TEX26: variants seen among roughly 807,000 people sequenced by gnomAD.
The protein encoded by TEX26 is testis-expressed protein 26.
Under a neutral mutation model 35.3 loss-of-function variants are expected in TEX26, and 34 were observed. The observed-to-expected ratio is 0.96, with a 90% CI of 0.73 to 1.28. TEX26 has a LOEUF of 1.28. TEX26 is among the 50% of genes most tolerant of loss of function. The pLI is 0.00. For synonymous variants in TEX26, 136 were observed against 111.8 expected, an observed-to-expected ratio of 1.22 and a Z score of -1.36; for missense variants, 371 against 330.1, an observed-to-expected ratio of 1.12 and a Z score of -0.96.
chr13:30,969,180 ACTC>A, intron 6 of TEX26, 134 bp downstream of exon 6: 3 of 836,310 alleles, frequency 3.6e-6, no homozygotes, highest in Non-Finnish European at 5.3e-6. Context: ...AAAAAAAAAA[ACTC>A]ATAGTGTTGT....
chr13:30,968,977 T>A lies in TEX26; in HGVS notation c.739T>A (p.Phe247Ile), dbSNP rs1446164162. The A allele has an allele frequency of 3.1e-6, 5 of 1,614,062 alleles. No individual in the cohort carries two copies. The highest frequency in any genetic ancestry group is 3.4e-6 in the Non-Finnish European group (4 of 1,179,992). Residue 247 changes from phenylalanine to isoleucine, a missense_variant, in exon 6 of 7, where the codon TTC (phenylalanine) becomes ATC (isoleucine). Physicochemically the swap from Phe to Ile is conservative, Grantham distance 21. Transcript: ENST00000380473. ...TGACTACGACAAAACCTACCCAGATTTCTTAATGCTTTTAAACTCATTTAC... is the reference window on the plus strand; with the variant it reads ...TGACTACGACAAAACCTACCCAGATATCTTAATGCTTTTAAACTCATTTAC... Reference protein sequence around the residue: ...QSDYDKTYPDFLMLLNSFTSS... With the variant: ...QSDYDKTYPDILMLLNSFTSS...
intron 4 of TEX26, among the ~76,000 whole-genome samples, chr13:30,962,798 T>A (rs1311453808): frequency 6.6e-6 from 1 of 150,770 alleles, no homozygotes; most frequent in African/African-American, 2.4e-5. Context: ...GTGTCAATGG[T>A]CCTAATGGGT....
chr13:30,954,969 A>G (rs1954072706), intron 3 of TEX26, among the ~76,000 whole-genome samples: 1 of 152,172 alleles, frequency 6.6e-6, no homozygotes, highest in South Asian at 2.1e-4. Flanking sequence ...GCCAGATGGC[A>G]GCTCCTATTA....
chr13:30,958,343 T>A (rs1424508697), intron 4 of TEX26, among the ~76,000 whole-genome samples: 1 of 152,244 alleles, frequency 6.6e-6, no homozygotes, highest in Non-Finnish European at 1.5e-5. Flanking sequence ...TTGATTATAT[T>A]TTTAGACGCA....
intron 3 of TEX26, among the ~76,000 whole-genome samples, chr13:30,953,897 A>G (rs17075209): frequency 0.26 from 40,096 of 152,118 alleles, 5,549 homozygotes; most frequent in East Asian, 0.44. Flanking sequence ...TAGATGATAA[A>G]GTGGTAGAAT....
At chr13:30,968,849 G>A (rs1954623895) in intron 5 of TEX26, 36 bp from the exon 6 acceptor site, 1 of 1,596,278 alleles carries the variant, frequency 6.3e-7, no homozygotes, top group Non-Finnish European at 8.5e-7. Flanking sequence ...TTGGGTGCCA[G>A]CCTTCCGACC....
Position 30,952,778 on chromosome 13 carries a change from A to G in TEX26, c.265A>G (p.Thr89Ala), listed in dbSNP as rs1342993118. The G allele has an allele frequency of 1.2e-6, 2 of 1,613,146 alleles. No individual in the cohort carries two copies. The highest frequency in any genetic ancestry group is 1.7e-6 in the Non-Finnish European group (2 of 1,179,560). Residue 89 changes from threonine to alanine, a missense_variant, in exon 3 of 7, where the codon ACT (threonine) becomes GCT (alanine). Coordinates refer to ENST00000380473, the MANE Select transcript of TEX26 (RefSeq NM_152325.3). ...ACACTCTAAAGAAGATTTGATCAAAACTGAGACTTCAAGAGGAATCAAGAG... is the reference window on the plus strand; with the variant it reads ...ACACTCTAAAGAAGATTTGATCAAAGCTGAGACTTCAAGAGGAATCAAGAG... The part of the protein sequence containing the change: ...KSHSKEDLIK[T>A]ETSRGIKSHK...
chr13:30,966,978 G>C (rs1954560596), intron 5 of TEX26, among the ~76,000 whole-genome samples: 2 of 152,186 alleles, frequency 1.3e-5, no homozygotes, highest in African/African-American at 4.8e-5. Flanking sequence ...GCTGGGGAGG[G>C]GCAGTGGTTG....
At chr13:30,971,013 G>A (rs1284245140) in intron 6 of TEX26, among the ~76,000 whole-genome samples, 1 of 152,232 alleles carries the variant, frequency 6.6e-6, no homozygotes, top group Non-Finnish European at 1.5e-5. Context: ...ACCAGGGGCA[G>A]GTGCCTGAAG....
chr13:30,945,841 C>T (rs907805167), intron 2 of TEX26, among the ~76,000 whole-genome samples: 1 of 151,602 alleles, frequency 6.6e-6, no homozygotes, highest in Non-Finnish European at 1.5e-5. Context: ...TTTTGTTTTG[C>T]TTTTTAATAG....
At chr13:30,974,338 A>G (rs1954815447) in intron 6 of TEX26, among the ~76,000 whole-genome samples, 1 of 151,814 alleles carries the variant, frequency 6.6e-6, no homozygotes, top group Non-Finnish European at 1.5e-5. Flanking sequence ...CTTCTATGAA[A>G]ATTTTGGAAC....
In TEX26 at chr13:30,966,271, A is replaced by T. The variant is rs779710580; in HGVS notation, c.519A>T (p.Leu173Phe). 9 of 1,613,886 alleles carry T rather than the reference A, an allele frequency of 5.6e-6. No individual in the cohort carries two copies. Among genetic ancestry groups the T allele is most frequent in the Non-Finnish European group, 5.9e-6 (7 of 1,180,012 alleles). The change falls in exon 5 of 7, where the codon TTA becomes TTT. Residue 173 changes from leucine to phenylalanine, a missense_variant. Transcript: ENST00000380473. The stretch of plus-strand genomic sequence containing the variant: ...ACTTGTCTCTGGAATGGAAAAAGTT[A>T]CTTCCCCAACCTCCAGACACTGAAT... Reference protein sequence around the residue: ...SSHLSLEWKKLLPQPPDTEFR... With the variant: ...SSHLSLEWKKFLPQPPDTEFR...
At position 30,952,683 on chromosome 13, in the gene TEX26, G is replaced by C. The variant is rs1354966791; in HGVS notation, c.170G>C (p.Gly57Ala). Residue 57 changes from glycine (G) to alanine (A), a missense_variant, in exon 3 of 7, where the codon GGA (glycine) becomes GCA (alanine). Transcript: ENST00000380473. ...LIRQNGIRRL[G>A]YTYSLSDPIL... The stretch of plus-strand genomic sequence containing the variant: ...AGCCAAAACGGTATCAGAAGATTAG[G>C]ATATACATATTCACTTAGTGATCCT... 1 of 1,605,268 alleles carries C rather than the reference G, an allele frequency of 6.2e-7. No individual in the cohort carries two copies. The highest frequency in any genetic ancestry group is 2.3e-5 in the East Asian group (1 of 44,418).
At chr13:30,947,634 A>C (rs1191497222) in intron 2 of TEX26, among the ~76,000 whole-genome samples, 1 of 152,180 alleles carries the variant, frequency 6.6e-6, no homozygotes, top group Non-Finnish European at 1.5e-5. Context: ...TGACTATTAA[A>C]TTGCACCTGT....
At chr13:30,962,053 G>A (rs527493025) in intron 4 of TEX26, among the ~76,000 whole-genome samples, 49 of 152,120 alleles carry the variant, frequency 3.2e-4, no homozygotes, top group Non-Finnish European at 5.7e-4. Flanking sequence ...TCCTTCCCCC[G>A]GCAGCCGATC....
intron 4 of TEX26, among the ~76,000 whole-genome samples, chr13:30,959,315 A>G (rs918875820): frequency 4.6e-5 from 7 of 152,178 alleles, no homozygotes; most frequent in Non-Finnish European, 8.8e-5. Context: ...AATCTGGTTA[A>G]CTATTTCTTC....
At chr13:30,965,478 G>A (rs1954494772) in intron 4 of TEX26, among the ~76,000 whole-genome samples, 1 of 152,146 alleles carries the variant, frequency 6.6e-6, no homozygotes, top group South Asian at 2.1e-4. Context: ...TTGTCTTTCT[G>A]AATAAAGATG....
chr13:30,963,151 C>T (rs995438925), intron 4 of TEX26, among the ~76,000 whole-genome samples: 1 of 152,106 alleles, frequency 6.6e-6, no homozygotes, highest in Admixed American at 6.5e-5. Flanking sequence ...TTGAATGGTC[C>T]TTGCTGAAGA....
At chr13:30,958,278 C>T (rs921757439) in intron 4 of TEX26, among the ~76,000 whole-genome samples, 2 of 152,200 alleles carry the variant, frequency 1.3e-5, no homozygotes, top group African/African-American at 4.8e-5. Flanking sequence ...TGATTCAATG[C>T]AATTTTGGTC....
Sources: gnomAD v4.1 joint callset for allele counts (sites outside exome capture counted in the v4.1 genomes callset) on GRCh38, gnomAD v4.1.1 for gene constraint, MANE v1.5 for transcripts, NCBI Gene and HGNC (gene_info 2026-07-23, HGNC 2026-07-21) for gene names.